The following MED12L variants were observed in gnomAD, a reference collection of about 807,000 sequenced individuals.
MED12L encodes mediator of RNA polymerase II transcription subunit 12-like protein.
MED12L carries 60 observed loss-of-function variants against 281.3 expected under a neutral mutation model. The ratio of observed to expected loss-of-function variants is 0.21; its 90% CI spans 0.17 to 0.26. The LOEUF is 0.26. Ranked by LOEUF, MED12L falls within the 10% of genes least tolerant of loss-of-function variation. The pLI, the probability that MED12L is intolerant of heterozygous loss-of-function variation, is 1.00. For synonymous variants in MED12L, 974 were observed against 987.2 expected (o/e 0.99, Z 0.25); for missense variants, 2,146 against 2,680.9 (o/e 0.80, Z 4.41).
At chr3:151,168,187 C>T (rs1184248277) in intron 11 of MED12L, among the ~76,000 whole-genome samples, 1 of 152,146 alleles carries the variant, frequency 6.6e-6, no homozygotes, top group Non-Finnish European at 1.5e-5. Context: ...TTGTAAATCA[C>T]AGATATCTCC....
At chr3:151,106,308 TCTCCCC>T (rs1722042499) in intron 2 of MED12L, among the ~76,000 whole-genome samples, 7 of 75,974 alleles carry the variant, frequency 9.2e-5, no homozygotes, top group Non-Finnish European at 9.9e-5. Context: ...TCCTTTTCCT[TCTCCCC>T]TCCCCTCCCC....
chr3:151,334,196 C>CTTTTTTTTTTTTTTTTTTTTT (rs71138494), intron 16 of MED12L, among the ~76,000 whole-genome samples: 1 of 118,230 alleles, frequency 8.5e-6, no homozygotes, highest in African/African-American at 3.2e-5. Flanking sequence ...TTCTTTCTTT[C>CTTTTTTTTTTTTTTTTTTTTT]TTTTTTTTTT....
chr3:151,260,608 A>G (rs1200165678), intron 16 of MED12L, among the ~76,000 whole-genome samples: 1 of 152,082 alleles, frequency 6.6e-6, no homozygotes, highest in Non-Finnish European at 1.5e-5. Context: ...GCCACAGTCT[A>G]CCAACATGCT....
intron 16 of MED12L, among the ~76,000 whole-genome samples, chr3:151,324,409 G>A (rs981237263): frequency 6.6e-6 from 1 of 152,094 alleles, no homozygotes; most frequent in African/African-American, 2.4e-5. Flanking sequence ...GGAGCATGGG[G>A]GTGGCTACGG....
At chr3:151,132,494 T>C (rs1163088520) in intron 5 of MED12L, among the ~76,000 whole-genome samples, 1 of 152,212 alleles carries the variant, frequency 6.6e-6, no homozygotes, top group Non-Finnish European at 1.5e-5. Flanking sequence ...TTAAGTTACA[T>C]ACCTTTGCTT....
chr3:151,338,481 C>T lies in MED12L; in HGVS notation c.2251-11578C>T, dbSNP rs778790805. 4.8e-5 allele frequency: 78 copies of T among 1,613,564 alleles called. No homozygotes were observed. The highest frequency in any genetic ancestry group is 2.2e-5 in the East Asian group (1 of 44,852). On this transcript the variant is annotated intron_variant, in intron 16 of 44. Coordinates refer to ENST00000687756, the MANE Select transcript of MED12L (RefSeq NM_001393769.1). ...AAATGGCCTGGTGGTCTTCTGGTAG[C>T]GATCGATAGTTATCAGTCCCAGGAA...
At chr3:151,378,984 A>C (rs1378415438) in intron 31 of MED12L, among the ~76,000 whole-genome samples, 1 of 152,220 alleles carries the variant, frequency 6.6e-6, no homozygotes, top group African/African-American at 2.4e-5. Context: ...TGAAACAGAC[A>C]CTTAAAGGTT....
intron 16 of MED12L, among the ~76,000 whole-genome samples, chr3:151,202,515 A>G (rs1725749903): frequency 6.6e-6 from 1 of 152,194 alleles, no homozygotes; most frequent in Non-Finnish European, 1.5e-5. Flanking sequence ...TACTAAAAAT[A>G]CAAAAATTAG....
At chr3:151,112,740 G>T (rs777068949) in intron 2 of MED12L, among the ~76,000 whole-genome samples, 1 of 152,156 alleles carries the variant, frequency 6.6e-6, no homozygotes, top group Non-Finnish European at 1.5e-5. Context: ...TTTCAGGATG[G>T]TGTGTGGGGT....
At chr3:151,273,212 A>AAACATTGTTG (rs1168287393) in intron 16 of MED12L, among the ~76,000 whole-genome samples, 1 of 151,300 alleles carries the variant, frequency 6.6e-6, no homozygotes, top group African/African-American at 2.4e-5. Flanking sequence ...TGACAGCAAT[A>AAACATTGTTG]AACATTGTTG....
chr3:151,249,551 C>T (rs1011419982), intron 16 of MED12L, among the ~76,000 whole-genome samples: 1 of 152,100 alleles, frequency 6.6e-6, no homozygotes, highest in African/African-American at 2.4e-5. Context: ...GCTATCTCCT[C>T]TGGGACTTGG....
At position 151,170,899 on chromosome 3, in the gene MED12L, G is replaced by T. The variant is rs144783200; in HGVS notation, c.1494+4917G>T. Among the ~76,000 whole-genome samples, 44 of 152,264 alleles carry T rather than the reference G, an allele frequency of 2.9e-4. No individual in the cohort carries two copies. In the East Asian group the frequency reaches 8.3e-3, roughly 29 times the overall value. ...GGTGTCTGGGAAGTGGGCAGACCCT[G>T]TCTGAAGAGGGAAGCCTCTCAAATT... On this transcript the variant is annotated intron_variant, in intron 11 of 44. Coordinates refer to ENST00000687756, the MANE Select transcript of MED12L (RefSeq NM_001393769.1).
chr3:151,363,978 G>A (rs1339986854), intron 21 of MED12L, among the ~76,000 whole-genome samples: 1 of 151,980 alleles, frequency 6.6e-6, no homozygotes, highest in East Asian at 1.9e-4. Flanking sequence ...GGCTGCCATT[G>A]ATGCAAGTAT....
chr3:151,335,144 CTT>C (rs1750816721), intron 16 of MED12L, among the ~76,000 whole-genome samples: 2 of 152,216 alleles, frequency 1.3e-5, no homozygotes, highest in East Asian at 3.9e-4. Context: ...GGAACCCACT[CTT>C]TGAGTTACTT....
intron 1 of MED12L, chr3:151,086,334 G>A (rs1719178951): frequency 6.5e-6 from 1 of 152,860 alleles, no homozygotes; most frequent in South Asian, 2.1e-4. Flanking sequence ...CAGGTGGCGG[G>A]GTCTGCGGGG....
chr3:151,377,072 G>C lies in MED12L; in HGVS notation c.4210G>C (p.Asp1404His). 1 of 1,614,112 alleles carries C rather than the reference G, an allele frequency of 6.2e-7. No individual in the cohort carries two copies. The highest frequency in any genetic ancestry group is 8.5e-7 in the Non-Finnish European group (1 of 1,179,982). The change falls in exon 30 of 45, where the codon GAC (aspartate) becomes CAC (histidine). Residue 1404 changes from aspartate to histidine, a missense_variant. Transcript: ENST00000687756. The stretch of plus-strand genomic sequence containing the variant: ...AATAGAGGTATTCCAGCAGTCTGCA[G>C]ACCTAAATAATTCTTCTAATTCTGG... ...ATIEVFQQSA[D>H]LNNSSNSGMS...
At chr3:151,381,797 G>T (rs998276800) in intron 32 of MED12L, among the ~76,000 whole-genome samples, 1 of 152,116 alleles carries the variant, frequency 6.6e-6, no homozygotes, top group African/African-American at 2.4e-5. Context: ...GCCAGCCTTA[G>T]GGAGGGGTTC....
At chr3:151,216,771 A>G (rs1472219966) in intron 16 of MED12L, among the ~76,000 whole-genome samples, 2 of 152,116 alleles carry the variant, frequency 1.3e-5, no homozygotes, top group Admixed American at 6.5e-5. Flanking sequence ...CCTGTTTCAT[A>G]TTTTAAAAGA....
intron 25 of MED12L, among the ~76,000 whole-genome samples, 186 bp downstream of exon 25, chr3:151,368,437 A>G (rs1755551731): frequency 6.6e-6 from 1 of 152,072 alleles, no homozygotes; most frequent in South Asian, 2.1e-4. Context: ...GTGTAATATC[A>G]GGATATATTG....
Sources: gnomAD v4.1 joint callset for allele counts (sites outside exome capture counted in the v4.1 genomes callset) on GRCh38, gnomAD v4.1.1 for gene constraint, MANE v1.5 for transcripts, NCBI Gene and HGNC (gene_info 2026-07-23, HGNC 2026-07-21) for gene names.